SH3BGRL3: variants seen among roughly 807,000 people sequenced by gnomAD.
SH3BGRL3 encodes the protein SH3 domain-binding glutamic acid-rich-like protein 3.
Under a neutral mutation model 11.9 loss-of-function variants are expected in SH3BGRL3, and 8 were observed. The observed-to-expected ratio is 0.67, with a 90% CI of 0.40 to 1.22. SH3BGRL3 has a LOEUF of 1.22. Ranked by LOEUF, SH3BGRL3 falls within the 50% of genes most tolerant of loss-of-function variation. The pLI, the probability that SH3BGRL3 is intolerant of heterozygous loss-of-function variation, is 0.01. For missense variants in SH3BGRL3, 119 were observed against 120.1 expected, an observed-to-expected ratio of 0.99 and a Z score of 0.04; for synonymous variants, 55 against 52.3, an observed-to-expected ratio of 1.05 and a Z score of -0.22.
rs2072977179 is a variant in SH3BGRL3, at chr1:26,281,111, G to GA, written c.272dup (p.Leu92AlafsTer56). 6.2e-7 allele frequency: 1 copy of GA among 1,613,814 alleles called. No homozygotes were observed. Among genetic ancestry groups the GA allele is most frequent in the Non-Finnish European group, 8.5e-7 (1 of 1,179,964 alleles). On this transcript the variant is annotated frameshift_variant, in exon 3 of 3. Coordinates refer to ENST00000270792, the MANE Select transcript of SH3BGRL3 (RefSeq NM_031286.4). LOFTEE classifies it high-confidence loss of function. Reference sequence around the variant, plus strand: ...AACAAAACACGCTGCAGGAGTTCCTGAAGCTGGCTTGAGTCAAGCCTGTCC... The same window carrying GA: ...AACAAAACACGCTGCAGGAGTTCCTGAAAGCTGGCTTGAGTCAAGCCTGTCC...
intron 2 of SH3BGRL3, 28 bp from the exon 3 acceptor site, chr1:26,281,030 T>C: frequency 2.5e-6 from 4 of 1,612,648 alleles, no homozygotes; most frequent in Non-Finnish European, 3.4e-6. Context: ...TGCATTCAGG[T>C]GACCACCCCT....
Position 26,281,167 on chromosome 1 carries a change from C to T in SH3BGRL3, c.*44C>T. On this transcript the variant is annotated 3_prime_UTR_variant, in exon 3 of 3. Transcript: ENST00000270792. ...TCCCCTGCTGGACTCCATCACCACA[C>T]TCCCCCCAGCCTTCACCTGGCCATG... The T allele has an allele frequency of 6.3e-7, 1 of 1,587,878 alleles. No individual in the cohort carries two copies. The highest frequency in any genetic ancestry group is 8.6e-7 in the Non-Finnish European group (1 of 1,161,502).
rs1390151163 is a variant in SH3BGRL3, at chr1:26,280,775, A to G, written c.59A>G (p.Gln20Arg). ...ACCCTCTGTCCCCAGATCAAGTCCC[A>G]GCAGAGCGAGGTGACCCGAATCCTG... Reference protein sequence around the residue: ...SVTGSREIKSQQSEVTRILDG... With the variant: ...SVTGSREIKSRQSEVTRILDG... Residue 20 changes from glutamine (Q) to arginine (R), a missense_variant, in exon 2 of 3, where the codon CAG becomes CGG. Coordinates refer to ENST00000270792, the MANE Select transcript of SH3BGRL3 (RefSeq NM_031286.4). 1.2e-6 allele frequency: 2 copies of G among 1,614,014 alleles called. No individual in the cohort carries two copies. The highest frequency in any genetic ancestry group is 1.7e-6 in the Non-Finnish European group (2 of 1,179,990).
At chr1:26,280,330 G>A in intron 1 of SH3BGRL3, 127 bp downstream of exon 1, 1 of 1,152,766 alleles carries the variant, frequency 8.7e-7, no homozygotes, top group Non-Finnish European at 1.2e-6. Flanking sequence ...GCGAGGTGCT[G>A]GGCACGGTCT....
Position 26,281,189 on chromosome 1 carries a change from C to A in SH3BGRL3, c.*66C>A. 1 of 1,509,224 alleles carries A rather than the reference C, an allele frequency of 6.6e-7. No homozygotes were observed. The highest frequency in any genetic ancestry group is 9.1e-7 in the Non-Finnish European group (1 of 1,101,732). The allele number at this position is 1,509,224 out of a possible 1,614,324, so 93.5% of individuals were successfully genotyped here. A position where few individuals can be genotyped will look rare whatever the true frequency, so the allele number is the denominator to read the frequency against. On this transcript the variant is annotated 3_prime_UTR_variant, in exon 3 of 3. Transcript: ENST00000270792. ...ACACTCCCCCCAGCCTTCACCTGGC[C>A]ATGAAGGACCTTTTGACCAACTCCC... is the stretch of plus-strand genomic sequence containing the variant.
In SH3BGRL3 at chr1:26,281,237, G is replaced by A. The variant is rs981969887; in HGVS notation, c.*114G>A. 24 of 996,302 alleles carry A rather than the reference G, an allele frequency of 2.4e-5. No homozygotes were observed. Among genetic ancestry groups the A allele is most frequent in the Non-Finnish European group, 2.7e-5 (18 of 669,656 alleles). 61.7% of individuals were successfully genotyped at this position (996,302 alleles called of 1,614,324 possible). Reference sequence around the variant, plus strand: ...CCCTGTCATTCCTAACCTAACCTTAGAGTCCCTCCCCCAATGCAGGCCACT... The same window carrying A: ...CCCTGTCATTCCTAACCTAACCTTAAAGTCCCTCCCCCAATGCAGGCCACT... On this transcript the variant is annotated 3_prime_UTR_variant, in exon 3 of 3. Transcript: ENST00000270792.
Position 26,281,297 on chromosome 1 carries a change from C to T in SH3BGRL3, c.*174C>T. The T allele has an allele frequency of 1.7e-6, 1 of 602,446 alleles. No individual in the cohort carries two copies. Among genetic ancestry groups the T allele is most frequent in the Non-Finnish European group, 2.9e-6 (1 of 343,046 alleles). The allele number at this position is 602,446 out of a possible 1,614,324, so 37.3% of individuals were successfully genotyped here. A position where few individuals can be genotyped will look rare whatever the true frequency, so the allele number is the denominator to read the frequency against. ...TCCTCTCTAAATGTAGTCCCCTCTC[C>T]TCCATCTAAAGGCAACATTCCTTAC... On this transcript the variant is annotated 3_prime_UTR_variant, in exon 3 of 3. Coordinates refer to ENST00000270792, the MANE Select transcript of SH3BGRL3 (RefSeq NM_031286.4).
chr1:26,280,138 CGTCT>C lies in SH3BGRL3; in HGVS notation c.-13_-10del, dbSNP rs926096521. On this transcript the variant is annotated 5_prime_UTR_variant, in exon 1 of 3. Transcript: ENST00000270792. ...TACCGCCGCCCTCTGCCCGCCGGCC[CGTCT>C]GTCTACCCCCAGCATGAGCGGCCTG... 5.8e-6 allele frequency: 9 copies of C among 1,562,176 alleles called. No homozygotes were observed. The highest frequency in any genetic ancestry group is 7.8e-6 in the Non-Finnish European group (9 of 1,154,900).
intron 1 of SH3BGRL3, 75 bp from the exon 2 acceptor site, chr1:26,280,690 C>G: frequency 3.2e-6 from 5 of 1,561,948 alleles, no homozygotes; most frequent in Non-Finnish European, 4.4e-6. Context: ...GTCACAGCCT[C>G]TCTCACCCTG....
At position 26,280,222 on chromosome 1, in the gene SH3BGRL3, T is replaced by A; in HGVS notation, c.48+19T>A. ...CCGCGAAGTAAGTGCGCGCCCGGAC[T>A]GGCGCTGGGGGAAAGCGCAGGGCTG... is the stretch of plus-strand genomic sequence containing the variant. On this transcript the variant is annotated intron_variant, in intron 1 of 2. Transcript: ENST00000270792. The A allele has an allele frequency of 6.6e-7, 1 of 1,511,648 alleles. No homozygotes were observed. The highest frequency in any genetic ancestry group is 8.8e-7 in the Non-Finnish European group (1 of 1,133,112). The allele number at this position is 1,511,648 out of a possible 1,614,324, so 93.6% of individuals were successfully genotyped here.
Position 26,281,303 on chromosome 1 carries a change from C to A in SH3BGRL3, c.*180C>A. ...CTAAATGTAGTCCCCTCTCCTCCAT[C>A]TAAAGGCAACATTCCTTACCCATTA... On this transcript the variant is annotated 3_prime_UTR_variant, in exon 3 of 3. Coordinates refer to ENST00000270792, the MANE Select transcript of SH3BGRL3 (RefSeq NM_031286.4). 1.7e-6 allele frequency: 1 copy of A among 585,966 alleles called. No individual in the cohort carries two copies. The allele number at this position is 585,966 out of a possible 1,614,324, so 36.3% of individuals were successfully genotyped here. A position where few individuals can be genotyped will look rare whatever the true frequency, so the allele number is the denominator to read the frequency against.
Position 26,281,195 on chromosome 1 carries a change from G to C in SH3BGRL3, c.*72G>C. On this transcript the variant is annotated 3_prime_UTR_variant, in exon 3 of 3. Transcript: ENST00000270792. Reference sequence around the variant, plus strand: ...CCCCCAGCCTTCACCTGGCCATGAAGGACCTTTTGACCAACTCCCTGTCAT... The same window carrying C: ...CCCCCAGCCTTCACCTGGCCATGAACGACCTTTTGACCAACTCCCTGTCAT... 6.7e-7 allele frequency: 1 copy of C among 1,494,224 alleles called. No individual in the cohort carries two copies. The highest frequency in any genetic ancestry group is 9.2e-7 in the Non-Finnish European group (1 of 1,092,210). The allele number at this position is 1,494,224 out of a possible 1,614,324, so 92.6% of individuals were successfully genotyped here. A position where few individuals can be genotyped will look rare whatever the true frequency, so the allele number is the denominator to read the frequency against.
In SH3BGRL3 at chr1:26,281,302, T is replaced by C. The variant is rs2072979856; in HGVS notation, c.*179T>C. On this transcript the variant is annotated 3_prime_UTR_variant, in exon 3 of 3. Coordinates refer to ENST00000270792, the MANE Select transcript of SH3BGRL3 (RefSeq NM_031286.4). ...TCTAAATGTAGTCCCCTCTCCTCCA[T>C]CTAAAGGCAACATTCCTTACCCATT... 2 of 586,170 alleles carry C rather than the reference T, an allele frequency of 3.4e-6. No homozygotes were observed. Among genetic ancestry groups the C allele is most frequent in the Non-Finnish European group, 3.0e-6 (1 of 331,990 alleles). 36.3% of individuals were successfully genotyped at this position (586,170 alleles called of 1,614,324 possible).
intron 1 of SH3BGRL3, among the ~76,000 whole-genome samples, chr1:26,280,545 AC>A (rs2072963924): frequency 1.1e-5 from 1 of 93,792 alleles, no homozygotes; most frequent in South Asian, 3.5e-4. Flanking sequence ...ACTTCCCTTC[AC>A]TCTGACCCCC....
chr1:26,280,659 A>G, intron 1 of SH3BGRL3, 106 bp from the exon 2 acceptor site: 1 of 1,359,820 alleles, frequency 7.4e-7, no homozygotes, highest in South Asian at 1.3e-5. Flanking sequence ...GTGGAGGGGA[A>G]TGGGGGGACA....
Position 26,281,122 on chromosome 1 carries a change from G to C in SH3BGRL3, c.281G>C (p.Ter94SerextTer36). The C allele has an allele frequency of 6.2e-7, 1 of 1,613,640 alleles. No individual in the cohort carries two copies. Among genetic ancestry groups the C allele is most frequent in the Non-Finnish European group, 8.5e-7 (1 of 1,179,826 alleles). ...NTLQEFLKLA[*>S] ...CTGCAGGAGTTCCTGAAGCTGGCTT[G>C]AGTCAAGCCTGTCCAGAGTTCCCCT... is the stretch of plus-strand genomic sequence containing the variant. The change falls in exon 3 of 3, where the codon TGA becomes TCA. Residue 94 changes from the stop codon to serine (S), a stop_lost. Transcript: ENST00000270792.
intron 1 of SH3BGRL3, 42 bp downstream of exon 1, chr1:26,280,245 C>A (rs1367882317): frequency 2.7e-6 from 4 of 1,462,198 alleles, no homozygotes; most frequent in Non-Finnish European, 3.6e-6. Flanking sequence ...AAGCGCAGGG[C>A]TGTATCCCGG....
At chr1:26,280,292 A>T in intron 1 of SH3BGRL3, 89 bp downstream of exon 1, 4 of 1,386,810 alleles carry the variant, frequency 2.9e-6, no homozygotes, top group Non-Finnish European at 3.8e-6. Flanking sequence ...CACCCCCAGG[A>T]CGGGGGCGGG....
Position 26,281,170 on chromosome 1 carries a change from C to G in SH3BGRL3, c.*47C>G. ...CCTGCTGGACTCCATCACCACACTC[C>G]CCCCAGCCTTCACCTGGCCATGAAG... On this transcript the variant is annotated 3_prime_UTR_variant, in exon 3 of 3. Transcript: ENST00000270792. 1 of 1,581,736 alleles carries G rather than the reference C, an allele frequency of 6.3e-7. No individual in the cohort carries two copies. The highest frequency in any genetic ancestry group is 8.6e-7 in the Non-Finnish European group (1 of 1,156,774).
Sources: allele counts gnomAD v4.1 joint callset (sites outside exome capture counted in the v4.1 genomes callset), GRCh38; gene constraint gnomAD v4.1.1; transcripts MANE v1.5; gene names NCBI Gene and HGNC (gene_info 2026-07-23, HGNC 2026-07-21).